Variants in MIR2052HG observed in about 807,000 individuals in gnomAD.
MIR2052HG encodes the protein MIR2052 host gene.
intron 2 of MIR2052HG, among the ~76,000 whole-genome samples, chr8:74,658,184 C>T (rs1429687282): frequency 6.6e-6 from 1 of 152,138 alleles, no homozygotes; most frequent in Non-Finnish European, 1.5e-5. Flanking sequence ...CACAATTAAG[C>T]TTGCATTTAG....
intron 2 of MIR2052HG, among the ~76,000 whole-genome samples, chr8:74,637,558 A>G (rs1718555018): frequency 6.6e-6 from 1 of 152,196 alleles, no homozygotes; most frequent in Non-Finnish European, 1.5e-5. Flanking sequence ...TTTTAACTTT[A>G]TAACGTGGAG....
chr8:74,667,248 G>A (rs1586908266), intron 2 of MIR2052HG, among the ~76,000 whole-genome samples: 1 of 152,152 alleles, frequency 6.6e-6, no homozygotes, highest in South Asian at 2.1e-4. Flanking sequence ...GAGCCTGGCT[G>A]TCACTATAGG....
chr8:74,621,651 AT>A (rs1808362807), intron 2 of MIR2052HG, among the ~76,000 whole-genome samples: 1 of 152,148 alleles, frequency 6.6e-6, no homozygotes, highest in African/African-American at 2.4e-5. Flanking sequence ...CAATGATTCA[AT>A]TGTGTCCACC....
intron 2 of MIR2052HG, among the ~76,000 whole-genome samples, chr8:74,674,456 G>A (rs939659248): frequency 1.3e-5 from 2 of 151,874 alleles, no homozygotes; most frequent in Non-Finnish European, 2.9e-5. Context: ...AAAATAGGGA[G>A]AGGAATTTTA....
chr8:74,617,446 T>C (rs1341171793), intron 2 of MIR2052HG, among the ~76,000 whole-genome samples: 1 of 134,464 alleles, frequency 7.4e-6, no homozygotes, highest in African/African-American at 2.9e-5. Context: ...GGCTAAGTAG[T>C]ATTCCATTGG....
intron 4 of MIR2052HG, among the ~76,000 whole-genome samples, chr8:74,713,806 G>A (rs188304206): frequency 3.3e-5 from 5 of 152,166 alleles, no homozygotes; most frequent in African/African-American, 1.2e-4. Context: ...CAAAATTTAA[G>A]ATGATTCTTA....
chr8:74,691,806 A>G (rs1211837931), intron 2 of MIR2052HG, among the ~76,000 whole-genome samples: 1 of 152,194 alleles, frequency 6.6e-6, no homozygotes, highest in Non-Finnish European at 1.5e-5. Context: ...CTATTGTAAT[A>G]GGTAAGTTCC....
At chr8:74,645,902 T>G (rs566004660) in intron 2 of MIR2052HG, among the ~76,000 whole-genome samples, 1 of 152,168 alleles carries the variant, frequency 6.6e-6, no homozygotes, top group African/African-American at 2.4e-5. Context: ...TAAGCCTATG[T>G]TTTTTGTGGA....
intron 3 of MIR2052HG, chr8:74,702,514 G>C (rs1264997887): frequency 5.4e-6 from 2 of 372,984 alleles, no homozygotes; most frequent in African/African-American, 4.2e-5. Flanking sequence ...CATCCTACTA[G>C]AATTGGGGAA....
intron 2 of MIR2052HG, among the ~76,000 whole-genome samples, chr8:74,642,748 CT>C (rs1355422497): frequency 4.6e-5 from 7 of 152,004 alleles, no homozygotes; most frequent in Non-Finnish European, 7.4e-5. Context: ...AATGCATACC[CT>C]TTGTGTGTTC....
intron 2 of MIR2052HG, among the ~76,000 whole-genome samples, chr8:74,638,825 A>T (rs1326892067): frequency 6.6e-6 from 1 of 152,196 alleles, no homozygotes; most frequent in Admixed American, 6.5e-5. Flanking sequence ...GGAATTTATT[A>T]ATCTGGGCAT....
chr8:74,600,616 A>G (rs907942549), intron 1 of MIR2052HG, among the ~76,000 whole-genome samples: 11 of 150,468 alleles, frequency 7.3e-5, no homozygotes, highest in Non-Finnish European at 1.3e-4. Context: ...GAGCTCTGTC[A>G]GCAGGCTGGA....
chr8:74,715,004 T>C (rs1809506853), intron 4 of MIR2052HG, among the ~76,000 whole-genome samples: 1 of 152,220 alleles, frequency 6.6e-6, no homozygotes, highest in African/African-American at 2.4e-5. Flanking sequence ...TCTATTGTTT[T>C]TTTATTGCTA....
intron 1 of MIR2052HG, chr8:74,604,137 A>G: frequency 1.1e-6 from 1 of 890,378 alleles, no homozygotes; most frequent in Non-Finnish European, 1.9e-6. Context: ...GCATCTTCTT[A>G]ACTGATTCTC....
chr8:74,671,889 C>T (rs762036840), intron 2 of MIR2052HG, among the ~76,000 whole-genome samples: 52 of 152,032 alleles, frequency 3.4e-4, no homozygotes, highest in Non-Finnish European at 5.6e-4. Context: ...GTGGCTTCAG[C>T]GGCCTACCAA....
intron 2 of MIR2052HG, among the ~76,000 whole-genome samples, chr8:74,657,535 G>A (rs138955525): frequency 9.2e-5 from 14 of 152,144 alleles, no homozygotes; most frequent in East Asian, 3.9e-4. Flanking sequence ...GTTTTAATCC[G>A]TTTTCACACT....
intron 2 of MIR2052HG, among the ~76,000 whole-genome samples, chr8:74,665,008 TCA>T (rs1220637134): frequency 6.6e-6 from 1 of 152,222 alleles, no homozygotes; most frequent in Non-Finnish European, 1.5e-5. Flanking sequence ...CTTTTTATTC[TCA>T]GTGTATTTCC....
intron 2 of MIR2052HG, among the ~76,000 whole-genome samples, chr8:74,629,855 T>C (rs78939754): frequency 2.5e-3 from 385 of 152,318 alleles, no homozygotes; most frequent in African/African-American, 8.5e-3. Context: ...TCACAACTGT[T>C]ATTTCTCTCT....
intron 2 of MIR2052HG, among the ~76,000 whole-genome samples, chr8:74,630,927 T>C (rs879499336): frequency 1.3e-5 from 2 of 152,252 alleles, no homozygotes; most frequent in Non-Finnish European, 2.9e-5. Context: ...TTCAATAATT[T>C]GCCCAGCTTC....
Sources: gnomAD v4.1 joint callset for allele counts (sites outside exome capture counted in the v4.1 genomes callset) on GRCh38, gnomAD v4.1.1 for gene constraint, MANE v1.5 for transcripts, NCBI Gene and HGNC (gene_info 2026-07-23, HGNC 2026-07-21) for gene names.